SCLT1: variants seen among roughly 807,000 people sequenced by gnomAD.
The protein encoded by SCLT1 is sodium channel and clathrin linker 1.
SCLT1 carries 78 observed loss-of-function variants against 112.8 expected under a neutral mutation model. That is an observed-to-expected ratio of 0.69 (90% confidence interval 0.58 to 0.83). The LOEUF (loss-of-function observed/expected upper bound fraction) is 0.83, where lower values mean the gene tolerates loss of function less well. Among genes scored for constraint, SCLT1 ranks in the 40% least tolerant of loss-of-function variants. The pLI is 0.00. For synonymous variants in SCLT1, 257 were observed against 254.7 expected, an observed-to-expected ratio of 1.01 and a Z score of -0.09; for missense variants, 747 against 770.4, an observed-to-expected ratio of 0.97 and a Z score of 0.36.
chr4:129,078,172 C>T (rs533392786), intron 2 of SCLT1, among the ~76,000 whole-genome samples: 2 of 152,284 alleles, frequency 1.3e-5, no homozygotes, highest in African/African-American at 4.8e-5. Flanking sequence ...ATAATTCTTC[C>T]AAAGAGGACA....
chr4:128,949,023 A>C (rs1263145648), intron 14 of SCLT1, among the ~76,000 whole-genome samples: 1 of 152,182 alleles, frequency 6.6e-6, no homozygotes, highest in Non-Finnish European at 1.5e-5. Flanking sequence ...GAAATACTAA[A>C]AATATTTTAT....
At chr4:128,953,298 A>T (rs1054528992) in intron 13 of SCLT1, among the ~76,000 whole-genome samples, 1 of 152,202 alleles carries the variant, frequency 6.6e-6, no homozygotes, top group Non-Finnish European at 1.5e-5. Context: ...ATACTTTTGC[A>T]AATTTCCTTA....
At chr4:128,909,483 A>C (rs1002379621) in intron 18 of SCLT1, among the ~76,000 whole-genome samples, 1 of 152,174 alleles carries the variant, frequency 6.6e-6, no homozygotes, top group African/African-American at 2.4e-5. Context: ...TCCTGGCTTC[A>C]AGTGATCCTC....
At chr4:129,021,917 G>A (rs2126123823) in intron 5 of SCLT1, among the ~76,000 whole-genome samples, 1 of 152,298 alleles carries the variant, frequency 6.6e-6, no homozygotes, top group South Asian at 2.1e-4. Flanking sequence ...ATATAGGAGA[G>A]CTCCAGCTGG....
At chr4:129,043,185 T>C (rs1747866222) in intron 4 of SCLT1, among the ~76,000 whole-genome samples, 1 of 152,062 alleles carries the variant, frequency 6.6e-6, no homozygotes, top group Admixed American at 6.6e-5. Context: ...GTGCTGGGAT[T>C]ATAGGCATAA....
rs113616478 is a variant in SCLT1 at position 129,081,522 on chromosome 4, G to A, written c.102+784C>T. Among the ~76,000 whole-genome samples, 452 of 152,302 alleles carry A rather than the reference G, an allele frequency of 3.0e-3. 2 individuals carry two copies. The highest frequency in any genetic ancestry group is 0.01 in the African/African-American group (433 of 41,562). Reference sequence around the variant, plus strand: ...TTCAATCATGGTGGAAGATGAAGGGGAAGCAGGAATGTCTTACATGGCCAG... The same window carrying A: ...TTCAATCATGGTGGAAGATGAAGGGAAAGCAGGAATGTCTTACATGGCCAG... On this transcript the variant is annotated intron_variant, in intron 2 of 20. Transcript: ENST00000281142.
intron 2 of SCLT1, among the ~76,000 whole-genome samples, chr4:129,075,048 G>A (rs891671187): frequency 2.0e-4 from 30 of 152,002 alleles, no homozygotes; most frequent in African/African-American, 6.0e-4. Context: ...AATGCTGATG[G>A]TGTATCACAG....
At chr4:128,958,568 AT>A (rs1442493901) in intron 12 of SCLT1, among the ~76,000 whole-genome samples, 1 of 152,178 alleles carries the variant, frequency 6.6e-6, no homozygotes, top group African/African-American at 2.4e-5. Context: ...TCTACACAAG[AT>A]GTTTATTTTT....
chr4:129,014,942 G>A (rs904591605), intron 5 of SCLT1, among the ~76,000 whole-genome samples: 2 of 152,038 alleles, frequency 1.3e-5, no homozygotes, highest in African/African-American at 4.8e-5. Context: ...GGTCGTGCAG[G>A]TGGTGGTGCT....
intron 5 of SCLT1, among the ~76,000 whole-genome samples, chr4:129,022,599 A>AAG (rs1745590087): frequency 6.6e-6 from 1 of 152,172 alleles, no homozygotes; most frequent in Non-Finnish European, 1.5e-5. Context: ...TTAGAGAAAA[A>AAG]AGCATGAAAA....
intron 18 of SCLT1, among the ~76,000 whole-genome samples, chr4:128,900,954 C>A (rs1734235333): frequency 6.6e-6 from 1 of 151,970 alleles, no homozygotes; most frequent in Admixed American, 6.6e-5. Flanking sequence ...CAGAGAAATG[C>A]AAATCAAAAC....
At chr4:128,880,336 G>T (rs369474680), downstream of SCLT1, among the ~76,000 whole-genome samples, 1 of 152,130 alleles carries the variant, frequency 6.6e-6, no homozygotes, top group Non-Finnish European at 1.5e-5. Context: ...TGGTTCGAAT[G>T]AAAATATGGG....
rs2125692300 is a variant in SCLT1, at chr4:129,039,051, C to T, written c.280G>A (p.Glu94Lys). ...AGTTAATTGATTTACCTTTCATTTT[C>T]CTTGATGACATTTTCAAGTTGTAAT... ...MKLQLENVIK[E>K]NERLHSELKD... The change falls in exon 5 of 21, where the codon GAA becomes AAA. Residue 94 changes from glutamate (E) to lysine (K), a missense_variant. Glu to Lys is a moderately conservative substitution (Grantham distance 56). Coordinates refer to ENST00000281142, the MANE Select transcript of SCLT1 (RefSeq NM_144643.4). The T allele has an allele frequency of 4.5e-6, 7 of 1,567,536 alleles. No individual in the cohort carries two copies. The highest frequency in any genetic ancestry group is 6.1e-6 in the Non-Finnish European group (7 of 1,138,534).
intron 9 of SCLT1, among the ~76,000 whole-genome samples, chr4:128,974,603 C>T (rs939344099): frequency 6.6e-6 from 1 of 152,026 alleles, no homozygotes; most frequent in Non-Finnish European, 1.5e-5. Context: ...TGCACAATAT[C>T]CTTTGGCCTT....
intron 2 of SCLT1, among the ~76,000 whole-genome samples, chr4:129,049,904 G>C (rs1748596871): frequency 6.6e-6 from 1 of 152,030 alleles, no homozygotes; most frequent in South Asian, 2.1e-4. Context: ...GCCACCCACA[G>C]ACAGGCCCTG....
intron 2 of SCLT1, among the ~76,000 whole-genome samples, chr4:129,076,627 T>C (rs1401812808): frequency 6.6e-6 from 1 of 151,518 alleles, no homozygotes; most frequent in Non-Finnish European, 1.5e-5. Context: ...TATACCGGTG[T>C]GGCGTAGATA....
chr4:128,946,159 A>G lies in SCLT1; in HGVS notation c.1294-7T>C, dbSNP rs775573074. ...CTCTGCCTTCACGGTAAATCTGCAG[A>G]AAAGGCTTATTAGGTATATAATATT... On this transcript the variant is annotated splice_polypyrimidine_tract_variant and splice_region_variant and intron_variant, in intron 15 of 20. Coordinates refer to ENST00000281142, the MANE Select transcript of SCLT1 (RefSeq NM_144643.4). The G allele has an allele frequency of 6.3e-7, 1 of 1,590,166 alleles. No homozygotes were observed.
intron 5 of SCLT1, among the ~76,000 whole-genome samples, chr4:129,025,508 T>C (rs917847621): frequency 4.6e-5 from 7 of 152,218 alleles, no homozygotes; most frequent in African/African-American, 1.4e-4. Flanking sequence ...CTGAGAGATT[T>C]TGTCACCACC....
intron 2 of SCLT1, among the ~76,000 whole-genome samples, chr4:129,072,275 C>A (rs1217785246): frequency 6.6e-6 from 1 of 152,090 alleles, no homozygotes; most frequent in Non-Finnish European, 1.5e-5. Flanking sequence ...AACCTGATGA[C>A]AATGTCCTAG....
Sources: gnomAD v4.1 joint callset for allele counts (sites outside exome capture counted in the v4.1 genomes callset) on GRCh38, gnomAD v4.1.1 for gene constraint, MANE v1.5 for transcripts, NCBI Gene and HGNC (gene_info 2026-07-23, HGNC 2026-07-21) for gene names.